The following DDX1 variants were observed in gnomAD, a reference collection of about 807,000 sequenced individuals.
The protein encoded by DDX1 is DEAD-box helicase 1, also known as ATP-dependent RNA helicase DDX1.
DDX1 carries 28 observed loss-of-function variants against 108.7 expected under a neutral mutation model. The ratio of observed to expected loss-of-function variants is 0.26; its 90% CI spans 0.19 to 0.35. The LOEUF (loss-of-function observed/expected upper bound fraction) is 0.35, where lower values mean the gene tolerates loss of function less well. Among genes scored for constraint, DDX1 ranks in the 10% least tolerant of loss-of-function variants. The probability of loss-of-function intolerance (pLI) is 1.00; values close to 1 mark genes in which losing one functional copy is unlikely to be tolerated. For synonymous variants in DDX1, 295 were observed against 288.9 expected (o/e 1.02, Z -0.21); for missense variants, 710 against 884.5 (o/e 0.80, Z 2.50).
chr2:15,594,124 T>C (rs1665463727), intron 1 of DDX1, among the ~76,000 whole-genome samples: 1 of 152,012 alleles, frequency 6.6e-6, no homozygotes. Context: ...TAGGAGAGCC[T>C]TCTTTGAAAA....
At chr2:15,629,751 G>T in intron 24 of DDX1, 54 bp downstream of exon 24, 1 of 1,337,030 alleles carries the variant, frequency 7.5e-7, no homozygotes, top group Admixed American at 2.6e-5. Context: ...AGAATAGAAA[G>T]CATTTATCTT....
chr2:15,593,581 G>A (rs1279800899), intron 1 of DDX1, among the ~76,000 whole-genome samples: 3 of 152,164 alleles, frequency 2.0e-5, no homozygotes, highest in African/African-American at 7.2e-5. Context: ...GTTGTTTCTT[G>A]TATAACAATT....
At chr2:15,596,908 T>A (rs1665509249) in intron 4 of DDX1, 145 bp downstream of exon 4, 2 of 679,356 alleles carry the variant, frequency 2.9e-6, no homozygotes, top group Admixed American at 5.8e-5. Flanking sequence ...AATGATATTT[T>A]TGTTGCCAGC....
Position 15,599,486 on chromosome 2 carries a change from T to TA in DDX1, c.260-183_260-182insA, listed in dbSNP as rs1228043671. On this transcript the variant is annotated intron_variant, in intron 5 of 25. Transcript: ENST00000233084. The stretch of plus-strand genomic sequence containing the variant: ...CATGCCTGGCTAATTTTTGTATTTT[T>TA]TTTTTTAGTAGAGATGAGGTTTCAC... 1.6e-4 allele frequency among the ~76,000 whole-genome samples: 25 copies of TA among 151,640 alleles called. No homozygotes were observed. The East Asian group carries it at 4.8e-3, about 29-fold the overall frequency.
At chr2:15,612,834 G>A (rs1008487604) in intron 13 of DDX1, among the ~76,000 whole-genome samples, 1 of 152,166 alleles carries the variant, frequency 6.6e-6, no homozygotes, top group African/African-American at 2.4e-5. Flanking sequence ...GCGAAACCCC[G>A]TCTCCACCAA....
intron 13 of DDX1, among the ~76,000 whole-genome samples, chr2:15,608,598 C>T (rs1297032386): frequency 6.8e-6 from 1 of 148,138 alleles, no homozygotes; most frequent in Non-Finnish European, 1.5e-5. Flanking sequence ...GTGTAACTGT[C>T]ACCACTATCA....
At chr2:15,618,592 C>T (rs376338771) in intron 16 of DDX1, among the ~76,000 whole-genome samples, 3 of 152,246 alleles carry the variant, frequency 2.0e-5, no homozygotes, top group Non-Finnish European at 2.9e-5. Flanking sequence ...GCATGGGCAC[C>T]GGCTCTCTGT....
intron 1 of DDX1, among the ~76,000 whole-genome samples, chr2:15,593,464 C>T (rs1665450593): frequency 6.6e-6 from 1 of 152,086 alleles, no homozygotes; most frequent in Non-Finnish European, 1.5e-5. Context: ...CTAATTTTTC[C>T]TTAACTGTTA....
At chr2:15,615,615 A>G (rs1176740591) in intron 14 of DDX1, among the ~76,000 whole-genome samples, 2 of 152,348 alleles carry the variant, frequency 1.3e-5, no homozygotes, top group African/African-American at 4.8e-5. Context: ...TTCATGGGAT[A>G]ATAAGTGCCT....
intron 23 of DDX1, among the ~76,000 whole-genome samples, chr2:15,629,240 G>T (rs546251830): frequency 6.6e-6 from 1 of 152,112 alleles, no homozygotes; most frequent in African/African-American, 2.4e-5. Context: ...TGCATTATTT[G>T]CTTTATTATT....
intron 17 of DDX1, 73 bp downstream of exon 17, chr2:15,620,469 G>A: frequency 8.5e-7 from 1 of 1,176,218 alleles, no homozygotes; most frequent in Non-Finnish European, 1.2e-6. Flanking sequence ...TGGGCTCTTA[G>A]TGATGCTTAA....
chr2:15,599,777 T>C (rs947383078), intron 6 of DDX1, 61 bp downstream of exon 6: 3 of 1,153,870 alleles, frequency 2.6e-6, no homozygotes, highest in Non-Finnish European at 3.8e-6. Context: ...AAATAATACA[T>C]GAGAACACCA....
At chr2:15,594,291 C>T in intron 1 of DDX1, among the ~76,000 whole-genome samples, 1 of 151,676 alleles carries the variant, frequency 6.6e-6, no homozygotes, top group Non-Finnish European at 1.5e-5. Context: ...GATTCTTGTT[C>T]TTTTTTTTAT....
Position 15,597,451 on chromosome 2 carries a change from C to A in DDX1, c.239C>A (p.Thr80Lys). 2 of 1,604,906 alleles carry A rather than the reference C, an allele frequency of 1.2e-6. No homozygotes were observed. Among genetic ancestry groups the A allele is most frequent in the Non-Finnish European group, 1.7e-6 (2 of 1,175,396 alleles). The change falls in exon 5 of 26, where the codon ACA (threonine) becomes AAA (lysine). Residue 80 changes from threonine to lysine, a missense_variant. By Grantham distance (78) the Thr-to-Lys change is moderately conservative. Around this residue, in one of 3 missense-constraint regions of DDX1, gnomAD observed 661 missense variants for 810.2 expected, o/e 0.82. Transcript: ENST00000233084. The part of the protein sequence containing the change: ...DQQEGKKGKT[T>K]IKTGASVLNK... ...CAGGAAGGCAAAAAAGGAAAAACAA[C>A]AATTAAAACTGGTGCTTCAGGTAAT...
At chr2:15,628,371 G>A in intron 20 of DDX1, 74 bp from the exon 21 acceptor site, 2 of 1,134,586 alleles carry the variant, frequency 1.8e-6, no homozygotes, top group South Asian at 1.3e-5. Flanking sequence ...TCATTTAGTG[G>A]AAGGATAGCA....
intron 14 of DDX1, among the ~76,000 whole-genome samples, chr2:15,614,568 C>T (rs956303085): frequency 9.2e-5 from 14 of 152,136 alleles, no homozygotes; most frequent in African/African-American, 3.1e-4. Context: ...GCTTTGTCCT[C>T]ATGAATGGGT....
At chr2:15,627,430 G>A (rs1261440136) in intron 20 of DDX1, 9 of 258,542 alleles carry the variant, frequency 3.5e-5, no homozygotes, top group Non-Finnish European at 6.7e-5. Context: ...AAGTATCATT[G>A]GATAGTTAAG....
In DDX1 at chr2:15,628,832, A is replaced by T; in HGVS notation, c.1868A>T (p.Lys623Ile). Residue 623 changes from lysine to isoleucine, a missense_variant, in exon 23 of 26, where the codon AAA (lysine) becomes ATA (isoleucine). This residue lies in a region of DDX1 where 661 missense variants were observed against 810.2 expected (regional missense o/e 0.82). Transcript: ENST00000233084. ...GLAISLVATE[K>I]EKVWYHVCSS... ...GCAATTTCCCTGGTGGCAACAGAAAAAGAAAAGGTAATCTTTGTAGGGCTC... is the reference window on the plus strand; with the variant it reads ...GCAATTTCCCTGGTGGCAACAGAAATAGAAAAGGTAATCTTTGTAGGGCTC... 6.2e-7 allele frequency: 1 copy of T among 1,613,438 alleles called. No homozygotes were observed. The highest frequency in any genetic ancestry group is 1.7e-4 in the Middle Eastern group (1 of 6,036).
intron 13 of DDX1, 95 bp from the exon 14 acceptor site, chr2:15,613,129 T>A: frequency 1.2e-6 from 1 of 850,712 alleles, no homozygotes; most frequent in Non-Finnish European, 1.8e-6. Context: ...TTCTCAACCT[T>A]AATTTCCACC....
Sources: gnomAD v4.1 joint callset for allele counts (sites outside exome capture counted in the v4.1 genomes callset) on GRCh38, gnomAD v4.1.1 for gene constraint, gnomAD v4.1.1 regional missense constraint, MANE v1.5 for transcripts, NCBI Gene and HGNC (gene_info 2026-07-23, HGNC 2026-07-21) for gene names.